Variants in FAM241A observed in about 807,000 individuals in gnomAD.
The protein encoded by FAM241A is uncharacterized protein FAM241A.
A neutral mutation model predicts 12.2 loss-of-function variants in FAM241A; 7 were observed. The observed-to-expected ratio is 0.58, with a 90% CI of 0.33 to 1.08. The LOEUF is 1.08. Among genes scored for constraint, FAM241A ranks in the 50% least tolerant of loss-of-function variants. The pLI is 0.04. For synonymous variants in FAM241A, 74 were observed against 68.2 expected (o/e 1.08, Z -0.42); for missense variants, 161 against 169.7 (o/e 0.95, Z 0.29).
rs1723539466 is a variant in FAM241A at position 112,164,052 on chromosome 4, G to A, written c.153+18319G>A. Among the ~76,000 whole-genome samples, 4 of 151,738 alleles carry A rather than the reference G, an allele frequency of 2.6e-5. No homozygotes were observed. The South Asian group carries it at 8.3e-4, about 32-fold the overall frequency. ...CACCGCATGTTCTCACTCATAGGTGGGAATTGAACAATGAGAACCCTTGGA... is the reference window on the plus strand; with the variant it reads ...CACCGCATGTTCTCACTCATAGGTGAGAATTGAACAATGAGAACCCTTGGA... On this transcript the variant is annotated intron_variant, in intron 1 of 1. Coordinates refer to ENST00000309733, the MANE Select transcript of FAM241A (RefSeq NM_152400.3).
At chr4:112,175,830 A>C (rs1277325205) in intron 1 of FAM241A, among the ~76,000 whole-genome samples, 2 of 152,154 alleles carry the variant, frequency 1.3e-5, no homozygotes, top group Non-Finnish European at 2.9e-5. Flanking sequence ...GAATGGAGAC[A>C]TCTTCAACCA....
chr4:112,145,650 G>C lies in FAM241A; in HGVS notation c.70G>C (p.Ala24Pro). 1 of 1,219,528 alleles carries C rather than the reference G, an allele frequency of 8.2e-7. No individual in the cohort carries two copies. Among genetic ancestry groups the C allele is most frequent in the Non-Finnish European group, 1.0e-6 (1 of 979,638 alleles). 75.5% of individuals were successfully genotyped at this position (1,219,528 alleles called of 1,614,324 possible). A position where few individuals can be genotyped will look rare whatever the true frequency, so the allele number is the denominator to read the frequency against. The change falls in exon 1 of 2, where the codon GCG becomes CCG. Residue 24 changes from alanine to proline, a missense_variant. By Grantham distance (27) the Ala-to-Pro change is conservative. Coordinates refer to ENST00000309733, the MANE Select transcript of FAM241A (RefSeq NM_152400.3). ...GERDEDGDAL[A>P]EREAAGTGWD... The stretch of plus-strand genomic sequence containing the variant: ...ACGCGACGAGGACGGGGACGCGCTG[G>C]CGGAGCGGGAGGCGGCAGGGACCGG...
intron 1 of FAM241A, among the ~76,000 whole-genome samples, chr4:112,164,666 A>G (rs1723557807): frequency 6.6e-6 from 1 of 152,204 alleles, no homozygotes; most frequent in African/African-American, 2.4e-5. Flanking sequence ...AAGTGAAGAT[A>G]CAACCCATAG....
rs534904273 is a variant in FAM241A at position 112,175,765 on chromosome 4, CA to C, written c.154-10917del. Among the ~76,000 whole-genome samples, 1,181 of 139,626 alleles carry C rather than the reference CA, an allele frequency of 8.5e-3. 7 individuals carry two copies. Among genetic ancestry groups the C allele is most frequent in the Non-Finnish European group, 0.013 (859 of 64,030 alleles). 91.6% of individuals were successfully genotyped at this position (139,626 alleles called of 152,430 possible). On this transcript the variant is annotated intron_variant, in intron 1 of 1. Coordinates refer to ENST00000309733, the MANE Select transcript of FAM241A (RefSeq NM_152400.3). ...CCTGGGCAACAGAGCGAGACTATCT[CA>C]AAAAAAAAAAGAAAGAAAATGAAAT...
chr4:112,159,209 TAGTAG>T (rs1723413142), intron 1 of FAM241A, among the ~76,000 whole-genome samples: 1 of 152,198 alleles, frequency 6.6e-6, no homozygotes, highest in Admixed American at 6.5e-5. Flanking sequence ...TTTGACTCTT[TAGTAG>T]AGTAAAGCAA....
intron 1 of FAM241A, among the ~76,000 whole-genome samples, chr4:112,185,285 A>G (rs1274819282): frequency 6.6e-6 from 1 of 152,164 alleles, no homozygotes; most frequent in Non-Finnish European, 1.5e-5. Flanking sequence ...TTATTTTAAC[A>G]AAGATAATTT....
At chr4:112,180,736 A>G (rs1451576892) in intron 1 of FAM241A, among the ~76,000 whole-genome samples, 3 of 152,188 alleles carry the variant, frequency 2.0e-5, no homozygotes, top group Admixed American at 2.0e-4. Flanking sequence ...AGCTTTGAAG[A>G]TGAAAGAAGA....
At chr4:112,182,341 A>G (rs1046205113) in intron 1 of FAM241A, among the ~76,000 whole-genome samples, 1 of 152,190 alleles carries the variant, frequency 6.6e-6, no homozygotes, top group Non-Finnish European at 1.5e-5. Context: ...AGAAAAAGCA[A>G]TATGTTGTTA....
intron 1 of FAM241A, among the ~76,000 whole-genome samples, chr4:112,146,786 C>A (rs931704190): frequency 2.0e-5 from 3 of 152,250 alleles, no homozygotes; most frequent in African/African-American, 7.2e-5. Context: ...CAGAGTAATA[C>A]TGTGTGGCAC....
intron 1 of FAM241A, among the ~76,000 whole-genome samples, chr4:112,181,687 A>G (rs565775389): frequency 2.0e-5 from 3 of 152,308 alleles, no homozygotes; most frequent in African/African-American, 7.2e-5. Context: ...CAAAGGAGAG[A>G]GGAAATAGTT....
chr4:112,154,154 C>T (rs990442960), intron 1 of FAM241A, among the ~76,000 whole-genome samples: 6 of 152,020 alleles, frequency 3.9e-5, no homozygotes, highest in African/African-American at 1.2e-4. Context: ...ACAGCAGAAG[C>T]GAAATTTTCA....
At position 112,194,327 on chromosome 4, in the gene FAM241A, G is replaced by A. The variant is rs1724224485; in HGVS notation, c.*7389G>A. 1 of 152,148 alleles carries A rather than the reference G, an allele frequency of 6.6e-6. No individual in the cohort carries two copies. Among genetic ancestry groups the A allele is most frequent in the Non-Finnish European group, 1.5e-5 (1 of 68,074 alleles). The allele number at this position is 152,148 out of a possible 1,614,324, so 9.4% of individuals were successfully genotyped here. ...AATTTGACTTCCTCTTTTCCTAATT[G>A]AATACTTTTTACTTCCTTCTCCTGC... On this transcript the variant is annotated 3_prime_UTR_variant, in exon 2 of 2. Coordinates refer to ENST00000309733, the MANE Select transcript of FAM241A (RefSeq NM_152400.3).
chr4:112,161,249 G>T (rs1010988352), intron 1 of FAM241A, among the ~76,000 whole-genome samples: 3 of 152,102 alleles, frequency 2.0e-5, no homozygotes, highest in Non-Finnish European at 4.4e-5. Flanking sequence ...ACAATTAAAA[G>T]AACTAGAGAA....
chr4:112,174,717 G>T (rs1337889387), intron 1 of FAM241A, among the ~76,000 whole-genome samples: 1 of 152,134 alleles, frequency 6.6e-6, no homozygotes, highest in Non-Finnish European at 1.5e-5. Flanking sequence ...CATGTGCTAG[G>T]CTGCACCCTC....
intron 1 of FAM241A, among the ~76,000 whole-genome samples, chr4:112,183,260 T>C (rs1280824385): frequency 6.6e-6 from 1 of 152,064 alleles, no homozygotes; most frequent in Non-Finnish European, 1.5e-5. Flanking sequence ...TTTCTCTAGT[T>C]TTGTGTGTGC....
At chr4:112,160,940 T>G (rs1351035497) in intron 1 of FAM241A, among the ~76,000 whole-genome samples, 1 of 152,164 alleles carries the variant, frequency 6.6e-6, no homozygotes, top group Non-Finnish European at 1.5e-5. Context: ...ATTTAACATC[T>G]CAAACTATGA....
intron 1 of FAM241A, among the ~76,000 whole-genome samples, chr4:112,164,602 T>G (rs1933673295): frequency 6.6e-6 from 1 of 151,504 alleles, no homozygotes; most frequent in Non-Finnish European, 1.5e-5. Context: ...TATAATAATT[T>G]TAAAAAATAA....
intron 1 of FAM241A, 85 bp from the exon 2 acceptor site, chr4:112,186,607 TG>T (rs1168466715): frequency 8.0e-7 from 1 of 1,245,244 alleles, no homozygotes; most frequent in African/African-American, 1.5e-5. Context: ...CCCAGCACTT[TG>T]GAAGATGAAG....
chr4:112,174,490 A>G (rs1386163210), intron 1 of FAM241A, among the ~76,000 whole-genome samples: 2 of 152,226 alleles, frequency 1.3e-5, no homozygotes, highest in Non-Finnish European at 2.9e-5. Flanking sequence ...GGGAATGGAG[A>G]ACTTTCCGGG....
Sources: allele counts gnomAD v4.1 joint callset (sites outside exome capture counted in the v4.1 genomes callset), GRCh38; gene constraint gnomAD v4.1.1; transcripts MANE v1.5; gene names NCBI Gene and HGNC (gene_info 2026-07-23, HGNC 2026-07-21).